Variants in CHMP4C observed in about 807,000 individuals in gnomAD.
The protein encoded by CHMP4C is charged multivesicular body protein 4C.
CHMP4C carries 28 observed loss-of-function variants against 29.0 expected under a neutral mutation model. The ratio of observed to expected loss-of-function variants is 0.97; its 90% confidence interval spans 0.72 to 1.32. The LOEUF (loss-of-function observed/expected upper bound fraction) is 1.32, where lower values mean the gene tolerates loss of function less well. Ranked by LOEUF, CHMP4C falls within the 40% of genes most tolerant of loss-of-function variation. CHMP4C has a pLI of 0.00. For synonymous variants in CHMP4C, 106 were observed against 102.4 expected (o/e 1.04, Z -0.21); for missense variants, 291 against 281.0 (o/e 1.04, Z -0.25).
intron 1 of CHMP4C, among the ~76,000 whole-genome samples, chr8:81,748,226 T>C (rs528881162): frequency 1.3e-5 from 2 of 152,318 alleles, no homozygotes; most frequent in East Asian, 3.9e-4. Flanking sequence ...ATTGCTGTTA[T>C]CCTGTTCTTT....
chr8:81,735,593 G>A (rs1372034657), intron 1 of CHMP4C, among the ~76,000 whole-genome samples: 1 of 152,112 alleles, frequency 6.6e-6, no homozygotes, highest in African/African-American at 2.4e-5. Context: ...TGCAATTGAA[G>A]TTTTATTATT....
intron 1 of CHMP4C, among the ~76,000 whole-genome samples, chr8:81,751,207 A>G (rs374758645): frequency 2.0e-4 from 31 of 152,162 alleles, no homozygotes; most frequent in African/African-American, 7.0e-4. Context: ...CTCCAGTAAA[A>G]TAAAGAAGCA....
At chr8:81,747,430 T>C (rs1808840736) in intron 1 of CHMP4C, among the ~76,000 whole-genome samples, 2 of 151,908 alleles carry the variant, frequency 1.3e-5, no homozygotes, top group African/African-American at 2.4e-5. Context: ...CCTGACGAGA[T>C]AGGGAAGACA....
At chr8:81,744,339 G>A (rs903337484) in intron 1 of CHMP4C, among the ~76,000 whole-genome samples, 2 of 152,178 alleles carry the variant, frequency 1.3e-5, no homozygotes, top group Non-Finnish European at 2.9e-5. Context: ...AGGGTTGGGG[G>A]TGGAAGGAAC....
Position 81,759,498 on chromosome 8 carries a change from A to G in CHMP4C, c.*954A>G, listed in dbSNP as rs1241652134. The G allele has an allele frequency of 6.6e-6, 1 of 152,244 alleles. No individual in the cohort carries two copies. Among genetic ancestry groups the G allele is most frequent in the Non-Finnish European group, 1.5e-5 (1 of 68,034 alleles). The allele number at this position is 152,244 out of a possible 1,614,324, so 9.4% of individuals were successfully genotyped here. A position where few individuals can be genotyped will look rare whatever the true frequency, so the allele number is the denominator to read the frequency against. ...ATACATAAAAATATTGGCAATTAAA[A>G]GTACATCTTGAATAAAATGTTGGCC... On this transcript the variant is annotated 3_prime_UTR_variant, in exon 5 of 5. Transcript: ENST00000297265.
At chr8:81,739,806 G>A (rs1808741275) in intron 1 of CHMP4C, among the ~76,000 whole-genome samples, 1 of 152,120 alleles carries the variant, frequency 6.6e-6, no homozygotes, top group Non-Finnish European at 1.5e-5. Context: ...ATTTTGTTCT[G>A]TTAATACTGT....
chr8:81,754,658 C>A (rs1808948533), intron 2 of CHMP4C, among the ~76,000 whole-genome samples: 1 of 152,060 alleles, frequency 6.6e-6, no homozygotes, highest in Non-Finnish European at 1.5e-5. Flanking sequence ...TAGAAACATA[C>A]CAGAACCTGG....
intron 1 of CHMP4C, among the ~76,000 whole-genome samples, chr8:81,743,474 T>TTA (rs1383600060): frequency 1.3e-5 from 2 of 152,082 alleles, no homozygotes; most frequent in Non-Finnish European, 2.9e-5. Context: ...ATTCAATTAG[T>TTA]TATATATTCT....
At chr8:81,744,134 A>G (rs1028247174) in intron 1 of CHMP4C, among the ~76,000 whole-genome samples, 1 of 152,074 alleles carries the variant, frequency 6.6e-6, no homozygotes, top group Non-Finnish European at 1.5e-5. Flanking sequence ...ATTGCTATTT[A>G]CCCTCCATGT....
chr8:81,740,775 T>A (rs1005902697), intron 1 of CHMP4C, among the ~76,000 whole-genome samples: 3 of 152,232 alleles, frequency 2.0e-5, no homozygotes, highest in Admixed American at 2.0e-4. Flanking sequence ...CGTGTTACCT[T>A]CATCAGATTC....
chr8:81,747,142 C>G (rs1409146307), intron 1 of CHMP4C, among the ~76,000 whole-genome samples: 1 of 152,118 alleles, frequency 6.6e-6, no homozygotes, highest in East Asian at 1.9e-4. Flanking sequence ...GGGAACATCA[C>G]TTAAAATGAG....
intron 1 of CHMP4C, among the ~76,000 whole-genome samples, chr8:81,743,447 A>T (rs1313812403): frequency 6.6e-6 from 1 of 152,096 alleles, no homozygotes; most frequent in African/African-American, 2.4e-5. Context: ...CACTAGCAGC[A>T]AATAAAAGAC....
chr8:81,745,836 T>TG (rs1808816930), intron 1 of CHMP4C, among the ~76,000 whole-genome samples: 1 of 152,160 alleles, frequency 6.6e-6, no homozygotes, highest in Non-Finnish European at 1.5e-5. Context: ...GTTGTCCAGG[T>TG]CTCATCAGCT....
chr8:81,752,076 A>G (rs1045633932), intron 1 of CHMP4C, among the ~76,000 whole-genome samples: 1 of 152,134 alleles, frequency 6.6e-6, no homozygotes, highest in African/African-American at 2.4e-5. Flanking sequence ...GAATGAATCA[A>G]TCAAATTTGT....
rs375582055 is a variant in CHMP4C, at chr8:81,750,842, G to A, written c.191-2222G>A. On this transcript the variant is annotated intron_variant, in intron 1 of 4. Coordinates refer to ENST00000297265, the MANE Select transcript of CHMP4C (RefSeq NM_152284.4). ...GAGGGAAGATTTGAGCCTTCAGACC[G>A]AAAATACTCACCGAATGCTCAGTTG... Among the ~76,000 whole-genome samples the A allele has an allele frequency of 5.9e-5, 9 of 152,026 alleles. No homozygotes were observed. The South Asian group carries it at 8.3e-4, about 14-fold the overall frequency.
chr8:81,744,669 A>C (rs1317552798), intron 1 of CHMP4C, among the ~76,000 whole-genome samples: 1 of 152,168 alleles, frequency 6.6e-6, no homozygotes, highest in Non-Finnish European at 1.5e-5. Flanking sequence ...GAGGTAAAGA[A>C]TGTAACTTAC....
intron 1 of CHMP4C, among the ~76,000 whole-genome samples, chr8:81,737,059 A>G (rs1050637777): frequency 2.6e-5 from 4 of 152,198 alleles, no homozygotes; most frequent in East Asian, 1.9e-4. Context: ...TTGGTTAAAA[A>G]CTTTAGGAGG....
At chr8:81,735,024 G>T (rs868714743) in intron 1 of CHMP4C, among the ~76,000 whole-genome samples, 6 of 151,974 alleles carry the variant, frequency 3.9e-5, no homozygotes, top group African/African-American at 1.2e-4. Context: ...TTCCCGAGTA[G>T]CTGGGATTAC....
chr8:81,749,741 A>G (rs1460999114), intron 1 of CHMP4C, among the ~76,000 whole-genome samples: 1 of 152,184 alleles, frequency 6.6e-6, no homozygotes, highest in Non-Finnish European at 1.5e-5. Flanking sequence ...CTAGAAGACA[A>G]CAATAGAACA....
Sources: allele counts gnomAD v4.1 joint callset (sites outside exome capture counted in the v4.1 genomes callset), GRCh38; gene constraint gnomAD v4.1.1; transcripts MANE v1.5; gene names NCBI Gene and HGNC (gene_info 2026-07-23, HGNC 2026-07-21).